METTL8: variants seen among roughly 807,000 people sequenced by gnomAD.
METTL8 encodes methyltransferase 8, tRNA N3-cytidine.
In METTL8, 32 loss-of-function variants were observed where a neutral mutation model predicts 48.7. That is an observed-to-expected ratio of 0.66 (90% confidence interval 0.50 to 0.88). The LOEUF (loss-of-function observed/expected upper bound fraction) is 0.88, where lower values mean the gene tolerates loss of function less well. Among genes scored for constraint, METTL8 ranks in the 40% least tolerant of loss-of-function variants. The pLI is 0.00. For synonymous variants in METTL8, 136 were observed against 157.1 expected (o/e 0.87, Z 1.01); for missense variants, 464 against 474.4 (o/e 0.98, Z 0.20).
intron 2 of METTL8, among the ~76,000 whole-genome samples, chr2:171,390,499 C>T (rs1688484951): frequency 6.6e-6 from 1 of 152,162 alleles, no homozygotes; most frequent in Non-Finnish European, 1.5e-5. Context: ...ATCTACATGC[C>T]ATTAAGAACA....
intron 2 of METTL8, among the ~76,000 whole-genome samples, chr2:171,365,852 C>G (rs1685662050): frequency 6.6e-6 from 1 of 152,202 alleles, no homozygotes; most frequent in South Asian, 2.1e-4. Context: ...AAGACTGATC[C>G]TTAAGAGAAG....
intron 3 of METTL8, among the ~76,000 whole-genome samples, chr2:171,359,173 CAA>C (rs57742852): frequency 1.5e-4 from 16 of 109,506 alleles, no homozygotes; most frequent in Non-Finnish European, 1.5e-4. Flanking sequence ...GACCCTGTCT[CAA>C]AAAAAAAAAA....
intron 3 of METTL8, among the ~76,000 whole-genome samples, chr2:171,357,204 C>T (rs1684679499): frequency 6.6e-6 from 1 of 151,962 alleles, no homozygotes; most frequent in South Asian, 2.1e-4. Context: ...AGTGATCTGC[C>T]CACCCTGGCC....
chr2:171,374,405 C>T (rs1314353581), intron 2 of METTL8, among the ~76,000 whole-genome samples: 1 of 152,174 alleles, frequency 6.6e-6, no homozygotes, highest in African/African-American at 2.4e-5. Context: ...ATACCCATCT[C>T]TTGATTTCAG....
chr2:171,316,404 G>A lies in METTL8; in HGVS notation c.*7768C>T, dbSNP rs1469718522. Among the ~76,000 whole-genome samples the A allele has an allele frequency of 6.6e-6, 1 of 152,210 alleles. No individual in the cohort carries two copies. Among genetic ancestry groups the A allele is most frequent in the Non-Finnish European group, 1.5e-5 (1 of 68,026 alleles). On this transcript the variant is annotated 3_prime_UTR_variant, in exon 10 of 10. Transcript: ENST00000375258. ...TAAAGTAAACAAAAGATCTGCAAAAGTATTTCCTTGCACTATTTGGCAAGA... is the reference window on the plus strand; with the variant it reads ...TAAAGTAAACAAAAGATCTGCAAAAATATTTCCTTGCACTATTTGGCAAGA...
chr2:171,413,153 T>C (rs1170055750), intron 1 of METTL8, among the ~76,000 whole-genome samples: 1 of 152,198 alleles, frequency 6.6e-6, no homozygotes, highest in Non-Finnish European at 1.5e-5. Context: ...TGTAGCAGAA[T>C]ATGAAAAATT....
At chr2:171,407,054 CAATGGTGATTTAA>C (rs1049685457) in intron 1 of METTL8, among the ~76,000 whole-genome samples, 13 of 151,892 alleles carry the variant, frequency 8.6e-5, no homozygotes, top group African/African-American at 3.1e-4. Flanking sequence ...GTATGGAAAG[CAATGGTGATTTAA>C]GATGGTGGAA....
At chr2:171,385,183 C>A (rs896268951) in intron 2 of METTL8, among the ~76,000 whole-genome samples, 3 of 151,848 alleles carry the variant, frequency 2.0e-5, no homozygotes, top group African/African-American at 7.3e-5. Flanking sequence ...GAGGCCAACA[C>A]AGGAGGACTG....
At chr2:171,362,572 A>AATAC (rs1685273203) in intron 2 of METTL8, among the ~76,000 whole-genome samples, 1 of 146,872 alleles carries the variant, frequency 6.8e-6, no homozygotes, top group Non-Finnish European at 1.5e-5. Context: ...AATAAAAATA[A>AATAC]ATAAATAAAT....
chr2:171,404,766 G>A (rs1690011128), intron 1 of METTL8, among the ~76,000 whole-genome samples: 1 of 152,152 alleles, frequency 6.6e-6, no homozygotes, highest in Admixed American at 6.6e-5. Flanking sequence ...CAGGGCATGT[G>A]TAGCATTTAA....
intron 1 of METTL8, among the ~76,000 whole-genome samples, chr2:171,419,554 G>A (rs1279458644): frequency 6.6e-6 from 1 of 152,102 alleles, no homozygotes; most frequent in Non-Finnish European, 1.5e-5. Context: ...TACTGCCACA[G>A]GAAACTTTAT....
intron 2 of METTL8, among the ~76,000 whole-genome samples, chr2:171,385,524 G>A (rs1241308185): frequency 2.0e-5 from 3 of 152,220 alleles, no homozygotes; most frequent in African/African-American, 7.2e-5. Flanking sequence ...AGGTGTGTGG[G>A]AAGATAATGT....
At chr2:171,353,520 C>T (rs951041011) in intron 3 of METTL8, among the ~76,000 whole-genome samples, 2 of 152,130 alleles carry the variant, frequency 1.3e-5, no homozygotes, top group Non-Finnish European at 2.9e-5. Context: ...TTCTGGATAT[C>T]GTTGTTAACT....
chr2:171,345,600 ACTCT>A (rs913649319), intron 3 of METTL8, among the ~76,000 whole-genome samples: 3 of 152,088 alleles, frequency 2.0e-5, no homozygotes, highest in Admixed American at 6.5e-5. Context: ...ACTTTTAGCT[ACTCT>A]CTCTATATAT....
chr2:171,405,766 C>T (rs1690116744), intron 1 of METTL8, among the ~76,000 whole-genome samples: 1 of 152,128 alleles, frequency 6.6e-6, no homozygotes, highest in Admixed American at 6.6e-5. Context: ...ACAGAAAACA[C>T]ATCAGCTATG....
chr2:171,424,515 T>C (rs1553537649), intron 1 of METTL8, among the ~76,000 whole-genome samples: 1 of 142,144 alleles, frequency 7.0e-6, no homozygotes, highest in Non-Finnish European at 1.5e-5. Context: ...TGTATCAGCA[T>C]GCCCTGGATA....
intron 3 of METTL8, among the ~76,000 whole-genome samples, chr2:171,356,956 T>TTTTTTTTGTTTTTTTG (rs1684636934): frequency 8.2e-6 from 1 of 121,754 alleles, no homozygotes; most frequent in Non-Finnish European, 1.8e-5. Context: ...GACAATATTT[T>TTTTTTTTGTTTTTTTG]TTTTTTTTTT....
chr2:171,355,406 C>T (rs748124822), intron 3 of METTL8, among the ~76,000 whole-genome samples: 3 of 152,190 alleles, frequency 2.0e-5, no homozygotes, highest in Non-Finnish European at 2.9e-5. Flanking sequence ...AGTTAGGCTA[C>T]TTGGGGGTCA....
At chr2:171,340,053 C>G (rs1186006329) in intron 3 of METTL8, among the ~76,000 whole-genome samples, 1 of 150,914 alleles carries the variant, frequency 6.6e-6, no homozygotes, top group Admixed American at 6.6e-5. Flanking sequence ...AAAAAGTTAG[C>G]CGGAGGTGGT....
Sources: allele counts gnomAD v4.1 joint callset (sites outside exome capture counted in the v4.1 genomes callset), GRCh38; gene constraint gnomAD v4.1.1; transcripts MANE v1.5; gene names NCBI Gene and HGNC (gene_info 2026-07-23, HGNC 2026-07-21).